The following FAM227B variants were observed in gnomAD, a reference collection of about 807,000 sequenced individuals.
FAM227B encodes the protein protein FAM227B.
Under a neutral mutation model 73.8 loss-of-function variants are expected in FAM227B, and 88 were observed. The observed-to-expected ratio is 1.19, with a 90% CI of 1.00 to 1.42. The LOEUF is 1.42. Among genes scored for constraint, FAM227B ranks in the 40% most tolerant of loss-of-function variants. The pLI, the probability that FAM227B is intolerant of heterozygous loss-of-function variation, is 0.00. For missense variants in FAM227B, 632 were observed against 590.9 expected, an observed-to-expected ratio of 1.07 and a Z score of -0.72; for synonymous variants, 210 against 190.5, an observed-to-expected ratio of 1.10 and a Z score of -0.84.
intron 10 of FAM227B, among the ~76,000 whole-genome samples, chr15:49,536,262 T>C (rs1052906230): frequency 6.6e-5 from 10 of 151,696 alleles, no homozygotes; most frequent in Non-Finnish European, 1.2e-4. Flanking sequence ...CAATAACCAA[T>C]TACATTTCTA....
chr15:49,365,123 T>C (rs904438205), intron 13 of FAM227B: 31 of 710,114 alleles, frequency 4.4e-5, no homozygotes, highest in Non-Finnish European at 7.4e-5. Context: ...CACATAATAT[T>C]ATTGCTGGAC....
intron 4 of FAM227B, among the ~76,000 whole-genome samples, chr15:49,588,835 T>A (rs1018071686): frequency 1.3e-5 from 2 of 151,142 alleles, no homozygotes; most frequent in Non-Finnish European, 3.0e-5. Flanking sequence ...ACAGTTTAAA[T>A]ATGAAAATTT....
chr15:49,348,464 C>T lies in FAM227B; in HGVS notation c.1272-12968G>A, dbSNP rs2041836451. Among the ~76,000 whole-genome samples, 3 of 152,162 alleles carry T rather than the reference C, an allele frequency of 2.0e-5. No homozygotes were observed. The South Asian group carries it at 6.2e-4, about 32-fold the overall frequency. On this transcript the variant is annotated intron_variant, in intron 13 of 15. Coordinates refer to ENST00000299338, the MANE Select transcript of FAM227B (RefSeq NM_152647.3). ...AAAACAGACACATGTGAGGCAACCA[C>T]CAAAAGGAGCCAATTTCGTTTTTCC... is the stretch of plus-strand genomic sequence containing the variant.
At chr15:49,512,994 C>T (rs188570010) in intron 10 of FAM227B, among the ~76,000 whole-genome samples, 62 of 152,174 alleles carry the variant, frequency 4.1e-4, no homozygotes, top group African/African-American at 1.4e-3. Context: ...TTTCTTTATC[C>T]GGTCTATCAT....
chr15:49,554,618 C>T (rs2073435076), intron 9 of FAM227B, among the ~76,000 whole-genome samples: 1 of 152,128 alleles, frequency 6.6e-6, no homozygotes, highest in South Asian at 2.1e-4. Context: ...TGTTCTTTCC[C>T]CAGCACCCAG....
chr15:49,383,055 G>A (rs1013336314), intron 11 of FAM227B, among the ~76,000 whole-genome samples: 6 of 151,856 alleles, frequency 4.0e-5, no homozygotes, highest in Admixed American at 3.9e-4. Flanking sequence ...AACATTTTGA[G>A]GTGTTCCATT....
intron 15 of FAM227B, chr15:49,330,090 G>C (rs577446009): frequency 7.9e-5 from 12 of 152,374 alleles, no homozygotes; most frequent in African/African-American, 2.6e-4. Flanking sequence ...TTAGAAAAAA[G>C]ATCATGCAGT....
At chr15:49,411,103 A>AG (rs1165728437) in intron 11 of FAM227B, among the ~76,000 whole-genome samples, 1 of 151,798 alleles carries the variant, frequency 6.6e-6, no homozygotes, top group African/African-American at 2.4e-5. Flanking sequence ...ATGCAGAGAA[A>AG]GGGAAGGAGG....
intron 13 of FAM227B, among the ~76,000 whole-genome samples, chr15:49,342,638 T>G (rs1358157922): frequency 6.6e-6 from 1 of 152,202 alleles, no homozygotes. Context: ...TGGCTATATA[T>G]TCAAGGGTGT....
chr15:49,370,536 G>A (rs1333620328), intron 12 of FAM227B, among the ~76,000 whole-genome samples: 1 of 152,154 alleles, frequency 6.6e-6, no homozygotes, highest in African/African-American at 2.4e-5. Context: ...TCAGAATAAA[G>A]TAGGAAGATA....
In FAM227B at chr15:49,542,353, G is replaced by A. The variant is rs565171318; in HGVS notation, c.748-547C>T. ...AATTTATTTTGATTTCAATAGTTTT[G>A]GGGGAACAAGTGGTATCTAATTGCA... On this transcript the variant is annotated intron_variant, in intron 9 of 15. Coordinates refer to ENST00000299338, the MANE Select transcript of FAM227B (RefSeq NM_152647.3). 2.6e-5 allele frequency among the ~76,000 whole-genome samples: 4 copies of A among 152,140 alleles called. No homozygotes were observed. In the South Asian group the frequency reaches 8.3e-4, roughly 32 times the overall value.
At chr15:49,532,810 A>G (rs191072650) in intron 10 of FAM227B, among the ~76,000 whole-genome samples, 97 of 152,102 alleles carry the variant, frequency 6.4e-4, no homozygotes, top group African/African-American at 2.3e-3. Flanking sequence ...CTACAAAGTT[A>G]AATAAGAAGA....
chr15:49,471,386 A>G (rs7167625), intron 11 of FAM227B, among the ~76,000 whole-genome samples: 105,415 of 151,214 alleles, frequency 0.7, 37,017 homozygotes, highest in East Asian at 0.93. Context: ...AGGAGGCTGA[A>G]GGAGGAGAAT....
chr15:49,462,243 A>C (rs2053866515), intron 11 of FAM227B, among the ~76,000 whole-genome samples: 1 of 152,214 alleles, frequency 6.6e-6, no homozygotes, highest in South Asian at 2.1e-4. Context: ...TTGTACTTTA[A>C]TCATATATGA....
In FAM227B at chr15:49,508,094, A is replaced by T. The variant is rs987640253; in HGVS notation, c.1012+117T>A. 60 of 1,021,580 alleles carry T rather than the reference A, an allele frequency of 5.9e-5. No individual in the cohort carries two copies. The Middle Eastern group carries it at 1.3e-3, about 22-fold the overall frequency. The allele number at this position is 1,021,580 out of a possible 1,614,324, so 63.3% of individuals were successfully genotyped here. On this transcript the variant is annotated intron_variant, in intron 11 of 15. Transcript: ENST00000299338. Reference sequence around the variant, plus strand: ...CACTATAACATCAATCTATAAATCAAATGTTATTTTAAGGCCCTCACCAAA... The same window carrying T: ...CACTATAACATCAATCTATAAATCATATGTTATTTTAAGGCCCTCACCAAA...
At chr15:49,519,911 T>G (rs551027308) in intron 10 of FAM227B, among the ~76,000 whole-genome samples, 1 of 152,350 alleles carries the variant, frequency 6.6e-6, no homozygotes, top group African/African-American at 2.4e-5. Flanking sequence ...TTTTCTGAAC[T>G]TTTATGCTTG....
intron 3 of FAM227B, among the ~76,000 whole-genome samples, chr15:49,602,472 G>A (rs771150868): frequency 1.2e-4 from 18 of 152,096 alleles, no homozygotes; most frequent in East Asian, 7.7e-4. Context: ...CAAATATTTC[G>A]CCCATTTGTT....
At chr15:49,595,704 A>T (rs531470635) in intron 3 of FAM227B, among the ~76,000 whole-genome samples, 1 of 152,022 alleles carries the variant, frequency 6.6e-6, no homozygotes, top group African/African-American at 2.4e-5. Flanking sequence ...AACAAACATG[A>T]GGGAATTAAA....
chr15:49,432,559 T>C (rs1256339671), intron 11 of FAM227B, among the ~76,000 whole-genome samples: 5 of 151,730 alleles, frequency 3.3e-5, no homozygotes, highest in African/African-American at 1.2e-4. Context: ...TTTATTAAAT[T>C]TCAACTTGAG....
Sources: gnomAD v4.1 joint callset for allele counts (sites outside exome capture counted in the v4.1 genomes callset) on GRCh38, gnomAD v4.1.1 for gene constraint, MANE v1.5 for transcripts, NCBI Gene and HGNC (gene_info 2026-07-23, HGNC 2026-07-21) for gene names.